DNAJC13: variants seen among roughly 807,000 people sequenced by gnomAD.
DNAJC13 encodes DnaJ heat shock protein family (Hsp40) member C13.
In DNAJC13, 75 loss-of-function variants were observed where a neutral mutation model predicts 290.5. The observed-to-expected ratio is 0.26, with a 90% CI of 0.21 to 0.31. The LOEUF is 0.31. Among genes scored for constraint, DNAJC13 ranks in the 10% least tolerant of loss-of-function variants. The probability of loss-of-function intolerance (pLI) is 1.00; values close to 1 mark genes in which losing one functional copy is unlikely to be tolerated. For missense variants in DNAJC13, 2,260 were observed against 2,674.5 expected, an observed-to-expected ratio of 0.85 and a Z score of 3.42; for synonymous variants, 862 against 892.0, an observed-to-expected ratio of 0.97 and a Z score of 0.60.
chr3:132,421,522 A>G (rs921716438), intron 1 of DNAJC13, among the ~76,000 whole-genome samples: 5 of 151,758 alleles, frequency 3.3e-5, no homozygotes, highest in African/African-American at 1.2e-4. Flanking sequence ...CAGTGGCACG[A>G]TCTTGGCTCA....
intron 47 of DNAJC13, 30 bp from the exon 48 acceptor site, chr3:132,516,674 A>G (rs2107737443): frequency 6.3e-7 from 1 of 1,578,180 alleles, no homozygotes; most frequent in Non-Finnish European, 8.6e-7. Flanking sequence ...CAAATTCTTT[A>G]TAAGCACTAA....
intron 46 of DNAJC13, among the ~76,000 whole-genome samples, chr3:132,515,497 G>A (rs1251964844): frequency 6.6e-6 from 1 of 151,668 alleles, no homozygotes; most frequent in Non-Finnish European, 1.5e-5. Context: ...TGGCAGCTTT[G>A]TAAAGTCATT....
chr3:132,525,521 C>T (rs1303945321), intron 51 of DNAJC13, 89 bp from the exon 52 acceptor site: 4 of 1,346,838 alleles, frequency 3.0e-6, no homozygotes, highest in Non-Finnish European at 4.1e-6. Flanking sequence ...CTTTTGAATC[C>T]CTAGTTTTGA....
At position 132,523,654 on chromosome 3, in the gene DNAJC13, G is replaced by C. The variant is rs533888154; in HGVS notation, c.6001G>C (p.Glu2001Gln). 2 of 1,614,046 alleles carry C rather than the reference G, an allele frequency of 1.2e-6. No individual in the cohort carries two copies. Among genetic ancestry groups the C allele is most frequent in the Admixed American group, 3.3e-5 (2 of 60,014 alleles). Residue 2001 changes from glutamate to glutamine, a missense_variant, in exon 51 of 56, where the codon GAA (glutamate) becomes CAA (glutamine). Glu to Gln is a conservative substitution (Grantham distance 29). This residue lies in a region of DNAJC13 where 1,494 missense variants were observed against 1,693.7 expected (regional missense o/e 0.88). Transcript: ENST00000260818. Reference sequence around the variant, plus strand: ...AGCCTGGGTTCTAAGAAAGCCTAGAGAATTTCTTATTGCCCTGTTAGAAAA... The same window carrying C: ...AGCCTGGGTTCTAAGAAAGCCTAGACAATTTCTTATTGCCCTGTTAGAAAA... ...QPAWVLRKPR[E>Q]FLIALLEKLT...
intron 39 of DNAJC13, among the ~76,000 whole-genome samples, chr3:132,501,685 A>G (rs1935420378): frequency 6.6e-6 from 1 of 152,198 alleles, no homozygotes; most frequent in Non-Finnish European, 1.5e-5. Context: ...CTCCCAATCC[A>G]GACCTGCTGA....
intron 29 of DNAJC13, among the ~76,000 whole-genome samples, chr3:132,485,494 G>C (rs1244552597): frequency 6.6e-6 from 1 of 152,188 alleles, no homozygotes; most frequent in African/African-American, 2.4e-5. Flanking sequence ...GCCTAAACAT[G>C]AGAAGTTTCT....
chr3:132,503,375 G>C lies in DNAJC13; in HGVS notation c.4878G>C (p.Val1626=), dbSNP rs757807021. ...CTAGAAAACTTGCTGTGGCTAGTGT[G>C]ACTGAGGTATGTGCTTCACAGGTAG... ...YVARKLAVAS[V]TEILKMLNSN... is the part of the protein sequence containing the mutation. The change falls in exon 41 of 56, where the codon GTG becomes GTC. Residue 1626 remains valine, a synonymous_variant. Transcript: ENST00000260818. 1.2e-6 allele frequency: 2 copies of C among 1,613,948 alleles called. No homozygotes were observed. Among genetic ancestry groups the C allele is most frequent in the Non-Finnish European group, 1.7e-6 (2 of 1,179,894 alleles).
At chr3:132,496,756 A>G (rs1935245618) in intron 36 of DNAJC13, 93 bp downstream of exon 36, 3 of 1,085,478 alleles carry the variant, frequency 2.8e-6, no homozygotes, top group African/African-American at 1.6e-5. Flanking sequence ...CAGCATATTT[A>G]ATAGATTTAG....
intron 41 of DNAJC13, 105 bp downstream of exon 41, chr3:132,503,486 G>T: frequency 7.6e-7 from 1 of 1,311,884 alleles, no homozygotes; most frequent in Non-Finnish European, 1.1e-6. Context: ...AATTAAGAAC[G>T]TTCACATGTT....
In DNAJC13 at chr3:132,462,659, A is replaced by G. The variant is rs189318217; in HGVS notation, c.1770+136A>G. On this transcript the variant is annotated intron_variant, in intron 16 of 55. Coordinates refer to ENST00000260818, the MANE Select transcript of DNAJC13 (RefSeq NM_015268.4). ...GTAAGAAAAGTAATTTTAAATCTTT[A>G]TTATAAATTAGTTTTAAACTTGTTA... 2.3e-4 allele frequency: 128 copies of G among 566,632 alleles called. No individual in the cohort carries two copies. In the African/African-American group the frequency reaches 2.3e-3, roughly 10 times the overall value. 35.1% of individuals were successfully genotyped at this position (566,632 alleles called of 1,614,324 possible). A position where few individuals can be genotyped will look rare whatever the true frequency, so the allele number is the denominator to read the frequency against.
At chr3:132,535,481 G>A (rs1936562012) in intron 55 of DNAJC13, among the ~76,000 whole-genome samples, 1 of 152,108 alleles carries the variant, frequency 6.6e-6, no homozygotes, top group African/African-American at 2.4e-5. Flanking sequence ...CCATTTATTA[G>A]GTTCTAGAAC....
rs188129203 is a variant in DNAJC13, at chr3:132,453,938, C to T, written c.841-128C>T. The T allele has an allele frequency of 3.6e-5, 30 of 828,382 alleles. No homozygotes were observed. The East Asian group carries it at 7.2e-4, about 20-fold the overall frequency. 51.3% of individuals were successfully genotyped at this position (828,382 alleles called of 1,614,324 possible). A position where few individuals can be genotyped will look rare whatever the true frequency, so the allele number is the denominator to read the frequency against. ...AAATTTGAGATTTTAAAGTTTTAAA[C>T]TCTTATATTGTAAACAAGTCACATC... On this transcript the variant is annotated intron_variant, in intron 8 of 55. Transcript: ENST00000260818.
rs200037269 is a variant in DNAJC13 at position 132,447,961 on chromosome 3, T to C, written c.336+22T>C. On this transcript the variant is annotated intron_variant, in intron 5 of 55. Transcript: ENST00000260818. ...AAGGGTAAATATTTAACATTTATTA[T>C]GTATTTTTATTTGTTCAAATGTTGC... 2.0e-5 allele frequency: 29 copies of C among 1,438,880 alleles called. No individual in the cohort carries two copies. In the African/African-American group the frequency reaches 3.4e-4, roughly 17 times the overall value. The allele number at this position is 1,438,880 out of a possible 1,614,324, so 89.1% of individuals were successfully genotyped here. A position where few individuals can be genotyped will look rare whatever the true frequency, so the allele number is the denominator to read the frequency against.
At chr3:132,446,574 G>C in intron 3 of DNAJC13, 24 bp downstream of exon 3, 1 of 1,525,656 alleles carries the variant, frequency 6.6e-7, no homozygotes, top group South Asian at 1.2e-5. Context: ...AAGCTGTTAG[G>C]TGTTTGTATG....
Position 132,499,169 on chromosome 3 carries a change from G to T in DNAJC13, c.4200G>T (p.Arg1400=). 8 of 1,613,760 alleles carry T rather than the reference G, an allele frequency of 5.0e-6. No homozygotes were observed. The highest frequency in any genetic ancestry group is 5.9e-6 in the Non-Finnish European group (7 of 1,179,834). Residue 1400 remains arginine, a synonymous_variant, in exon 37 of 56, where the codon CGG becomes CGT. Transcript: ENST00000260818. ...YKYAGYPMLI[R]TITMETSDDL... ...ATGCAGGATACCCCATGCTTATTCG[G>T]ACTATAACAATGGAAACTTCAGATG...
At chr3:132,466,993 A>G (rs1934016487) in intron 19 of DNAJC13, among the ~76,000 whole-genome samples, 177 bp from the exon 20 acceptor site, 1 of 152,246 alleles carries the variant, frequency 6.6e-6, no homozygotes, top group South Asian at 2.1e-4. Context: ...AAACCTAAGT[A>G]GAAAAGTTAG....
intron 11 of DNAJC13, 35 bp downstream of exon 11, chr3:132,456,615 C>A (rs1933606760): frequency 3.7e-6 from 6 of 1,613,208 alleles, no homozygotes; most frequent in African/African-American, 2.7e-5. Context: ...TTCATTGTTA[C>A]TAACTTTTGG....
At chr3:132,526,304 C>T in intron 53 of DNAJC13, 23 bp downstream of exon 53, 2 of 1,612,812 alleles carry the variant, frequency 1.2e-6, no homozygotes, top group Non-Finnish European at 8.5e-7. Flanking sequence ...CTAGATTTAG[C>T]ACTATTTTAG....
chr3:132,448,210 G>A (rs1423269157), intron 5 of DNAJC13, among the ~76,000 whole-genome samples: 2 of 152,184 alleles, frequency 1.3e-5, no homozygotes, highest in African/African-American at 4.8e-5. Context: ...CATTCAGGTA[G>A]TCCTTATGCA....
Sources: gnomAD v4.1 joint callset for allele counts (sites outside exome capture counted in the v4.1 genomes callset) on GRCh38, gnomAD v4.1.1 for gene constraint, gnomAD v4.1.1 regional missense constraint, MANE v1.5 for transcripts, NCBI Gene and HGNC (gene_info 2026-07-23, HGNC 2026-07-21) for gene names.